Variants in CDH18 observed in about 807,000 individuals in gnomAD.
CDH18 encodes cadherin-18.
CDH18 carries 31 observed loss-of-function variants against 67.9 expected under a neutral mutation model. The observed-to-expected ratio is 0.46, with a 90% confidence interval of 0.34 to 0.62. The LOEUF is 0.62. CDH18 is among the 20% of genes least tolerant of loss of function. CDH18 has a pLI of 0.01. For missense variants in CDH18, 890 were observed against 975.5 expected (o/e 0.91, Z 1.17); for synonymous variants, 362 against 347.2 (o/e 1.04, Z -0.48).
At chr5:20,501,444 A>G (rs1446716828) in intron 1 of CDH18, among the ~76,000 whole-genome samples, 1 of 114,822 alleles carries the variant, frequency 8.7e-6, no homozygotes, top group African/African-American at 3.2e-5. Context: ...TTTTATATAC[A>G]TATATTTTAT....
intron 1 of CDH18, among the ~76,000 whole-genome samples, chr5:20,431,268 A>C (rs947873984): frequency 2.0e-5 from 3 of 152,082 alleles, no homozygotes; most frequent in Admixed American, 6.6e-5. Flanking sequence ...TGATGTGCAG[A>C]TCACTTGAGG....
chr5:19,818,950 A>T (rs1779574017), intron 3 of CDH18, among the ~76,000 whole-genome samples: 1 of 152,150 alleles, frequency 6.6e-6, no homozygotes. Context: ...ACAAGTAATC[A>T]GATCTATGAG....
At chr5:19,813,025 G>A (rs987999972) in intron 3 of CDH18, among the ~76,000 whole-genome samples, 3 of 152,082 alleles carry the variant, frequency 2.0e-5, no homozygotes, top group East Asian at 3.9e-4. Context: ...TCATTCTCAG[G>A]AAACTAACAC....
chr5:19,709,822 G>GA (rs1453615750), intron 5 of CDH18, among the ~76,000 whole-genome samples: 2 of 152,072 alleles, frequency 1.3e-5, no homozygotes, highest in Admixed American at 6.6e-5. Flanking sequence ...AACAATAATA[G>GA]AAAAAACATA....
chr5:20,038,839 G>A (rs955396550), intron 2 of CDH18, among the ~76,000 whole-genome samples: 12 of 152,076 alleles, frequency 7.9e-5, no homozygotes, highest in Admixed American at 3.3e-4. Flanking sequence ...GGAAGATCTG[G>A]CCAGGGAGAT....
chr5:20,267,636 T>G (rs1170660210), intron 1 of CDH18, among the ~76,000 whole-genome samples: 1 of 152,208 alleles, frequency 6.6e-6, no homozygotes, highest in African/African-American at 2.4e-5. Context: ...AATTTATTCC[T>G]AGGCATTTTG....
intron 5 of CDH18, among the ~76,000 whole-genome samples, chr5:19,623,982 C>CATTATT (rs70950078): frequency 0.17 from 23,417 of 139,654 alleles, 2,026 homozygotes; most frequent in South Asian, 0.23. Flanking sequence ...TGTCACACTC[C>CATTATT]ATTATTATTA....
chr5:20,242,618 A>ACACATATATACATATATACATG (rs1561905923), intron 2 of CDH18, among the ~76,000 whole-genome samples: 3 of 124,096 alleles, frequency 2.4e-5, no homozygotes, highest in African/African-American at 1.0e-4. Context: ...AAAAATATAT[A>ACACATATATACATATATACATG]TATATATATA....
At chr5:19,785,453 G>C (rs1417580990) in intron 3 of CDH18, among the ~76,000 whole-genome samples, 3 of 150,518 alleles carry the variant, frequency 2.0e-5, no homozygotes, top group Non-Finnish European at 3.0e-5. Context: ...GGGAGTTCGA[G>C]ATCAGCCTAA....
chr5:20,399,377 A>G (rs1402530984), intron 1 of CDH18, among the ~76,000 whole-genome samples: 2 of 152,232 alleles, frequency 1.3e-5, no homozygotes, highest in South Asian at 4.1e-4. Flanking sequence ...TATAAGAGGA[A>G]TAAGAATGAA....
At chr5:19,999,777 G>T (rs1736298098) in intron 2 of CDH18, among the ~76,000 whole-genome samples, 1 of 152,152 alleles carries the variant, frequency 6.6e-6, no homozygotes, top group Non-Finnish European at 1.5e-5. Context: ...CCACAGCAGA[G>T]CATTAATACC....
chr5:20,554,000 T>C, intron 1 of CDH18, among the ~76,000 whole-genome samples: 1 of 152,206 alleles, frequency 6.6e-6, no homozygotes, highest in East Asian at 1.9e-4. Flanking sequence ...GTTGGTACAA[T>C]TTGAACTAAC....
intron 12 of CDH18, among the ~76,000 whole-genome samples, chr5:19,475,647 G>T (rs1267378870): frequency 6.6e-6 from 1 of 151,880 alleles, no homozygotes; most frequent in African/African-American, 2.4e-5. Context: ...ACATGCATAT[G>T]TTCCAAATAT....
chr5:19,901,810 T>C (rs1175817937), intron 2 of CDH18, among the ~76,000 whole-genome samples: 1 of 151,888 alleles, frequency 6.6e-6, no homozygotes, highest in Non-Finnish European at 1.5e-5. Context: ...CACCCAATTA[T>C]TGAATACTTT....
chr5:19,822,443 G>A (rs114937528), intron 3 of CDH18, among the ~76,000 whole-genome samples: 1,562 of 152,216 alleles, frequency 0.01, 23 homozygotes, highest in African/African-American at 0.035. Context: ...ACTCACCCCC[G>A]ATATTTCACG....
upstream of CDH18, among the ~76,000 whole-genome samples, chr5:19,990,075 AT>A (rs1319879251): frequency 6.6e-6 from 1 of 152,170 alleles, no homozygotes; most frequent in East Asian, 1.9e-4. Context: ...CAAATTCTTA[AT>A]TTATTTTTGT....
chr5:19,937,488 A>G (rs1794400378), intron 2 of CDH18, among the ~76,000 whole-genome samples: 1 of 151,462 alleles, frequency 6.6e-6, no homozygotes, highest in African/African-American at 2.4e-5. Context: ...AAATAAACAG[A>G]CATTACAATG....
intron 9 of CDH18, among the ~76,000 whole-genome samples, chr5:19,541,920 A>C (rs1750349504): frequency 6.6e-6 from 1 of 152,168 alleles, no homozygotes; most frequent in Admixed American, 6.6e-5. Flanking sequence ...CTTATTATTT[A>C]ACCGCCATTT....
intron 1 of CDH18, among the ~76,000 whole-genome samples, chr5:20,363,924 T>C (rs1166974866): frequency 6.6e-6 from 1 of 152,140 alleles, no homozygotes; most frequent in Non-Finnish European, 1.5e-5. Flanking sequence ...ACCATGTCCA[T>C]TGTGCAGGTA....
Sources: gnomAD v4.1 joint callset for allele counts (sites outside exome capture counted in the v4.1 genomes callset) on GRCh38, gnomAD v4.1.1 for gene constraint, MANE v1.5 for transcripts, NCBI Gene and HGNC (gene_info 2026-07-23, HGNC 2026-07-21) for gene names.